USP42: variants seen among roughly 807,000 people sequenced by gnomAD.
USP42 encodes the protein ubiquitin specific peptidase 42.
USP42 carries 23 observed loss-of-function variants against 113.0 expected under a neutral mutation model. The ratio of observed to expected loss-of-function variants is 0.20; its 90% CI spans 0.15 to 0.29. The LOEUF (loss-of-function observed/expected upper bound fraction) is 0.29, where lower values mean the gene tolerates loss of function less well. USP42 is among the 10% of genes least tolerant of loss of function. The pLI, the probability that USP42 is intolerant of heterozygous loss-of-function variation, is 1.00. For missense variants in USP42, 2,174 were observed against 1,779.8 expected, an observed-to-expected ratio of 1.22 and a Z score of -3.99; for synonymous variants, 933 against 699.0, an observed-to-expected ratio of 1.33 and a Z score of -5.28.
intron 3 of USP42, among the ~76,000 whole-genome samples, chr7:6,117,807 A>G (rs1226897802): frequency 6.6e-6 from 1 of 150,840 alleles, no homozygotes; most frequent in Non-Finnish European, 1.5e-5. Context: ...ATAATGCTGA[A>G]CCTCTTTTCT....
chr7:6,158,883 G>A lies in USP42; in HGVS notation c.3944-567G>A, dbSNP rs1033405490. 2.6e-5 allele frequency among the ~76,000 whole-genome samples: 4 copies of A among 152,180 alleles called. No individual in the cohort carries two copies. Among genetic ancestry groups the A allele is most frequent in the African/African-American group, 9.6e-5 (4 of 41,520 alleles). ...TGGCCCCCGAGGCAGCTGGTCCAGCGGGAGGGAGGTTGAACGTGATCTTGT... is the reference window on the plus strand; with the variant it reads ...TGGCCCCCGAGGCAGCTGGTCCAGCAGGAGGGAGGTTGAACGTGATCTTGT... On this transcript the variant is annotated intron_variant, in intron 16 of 17. Coordinates refer to ENST00000306177, the MANE Select transcript of USP42 (RefSeq NM_032172.3). This position sits in a 1 kb window ranked among gnomAD's most constrained non-coding sequence, Gnocchi z 4.2.
intron 2 of USP42, among the ~76,000 whole-genome samples, chr7:6,113,451 TC>T (rs1779709682): frequency 6.6e-6 from 1 of 152,036 alleles, no homozygotes; most frequent in Non-Finnish European, 1.5e-5. Context: ...TCTCCCCTTT[TC>T]TGGGGCTCTC....
intron 14 of USP42, among the ~76,000 whole-genome samples, chr7:6,152,369 C>T (rs1392708863): frequency 6.6e-6 from 1 of 152,228 alleles, no homozygotes; most frequent in Non-Finnish European, 1.5e-5. Flanking sequence ...TTCCTGGAAA[C>T]GTCAGTGTCA....
At chr7:6,100,161 C>G (rs1326625832), upstream of USP42, among the ~76,000 whole-genome samples, 2 of 148,712 alleles carry the variant, frequency 1.3e-5, no homozygotes, top group African/African-American at 5.1e-5. Context: ...CCCAATTTCA[C>G]AGTTCTAATG....
At chr7:6,084,932 T>G in the USP42 span, among the ~76,000 whole-genome samples, 7 of 150,702 alleles carry the variant, frequency 4.6e-5, no homozygotes, top group African/African-American at 1.2e-4. Context: ...TTGGTCAAGC[T>G]GGTCTTGAAC....
the USP42 span, among the ~76,000 whole-genome samples, chr7:6,096,923 C>T: frequency 1.8e-5 from 2 of 113,548 alleles, no homozygotes; most frequent in Admixed American, 1.8e-4. Flanking sequence ...TTCTTTCTTT[C>T]TTTCTTTTCT....
intron 2 of USP42, among the ~76,000 whole-genome samples, chr7:6,114,072 A>G (rs1195847513): frequency 6.6e-6 from 1 of 152,138 alleles, no homozygotes; most frequent in African/African-American, 2.4e-5. Flanking sequence ...TAATCTGTTG[A>G]TAATCTTCAA....
intron 1 of USP42, among the ~76,000 whole-genome samples, chr7:6,107,871 A>T (rs946143184): frequency 1.5e-4 from 23 of 152,264 alleles, no homozygotes; most frequent in African/African-American, 5.5e-4. Flanking sequence ...TAAATTTTCA[A>T]TTCAGTTTTC....
chr7:6,103,124 T>C (rs1411552166), upstream of USP42, among the ~76,000 whole-genome samples: 4 of 150,862 alleles, frequency 2.7e-5, no homozygotes, highest in African/African-American at 9.9e-5. Flanking sequence ...GGAGGGGAGA[T>C]GCAGAGATGA....
chr7:6,123,330 C>G (rs1780339753), intron 3 of USP42, among the ~76,000 whole-genome samples: 1 of 152,018 alleles, frequency 6.6e-6, no homozygotes, highest in Non-Finnish European at 1.5e-5. Flanking sequence ...CTAGACCAGC[C>G]TGAGCTACAT....
At chr7:6,097,707 C>G in the USP42 span, among the ~76,000 whole-genome samples, 1 of 150,114 alleles carries the variant, frequency 6.7e-6, no homozygotes, top group Non-Finnish European at 1.5e-5. Context: ...TCTCCTGCCT[C>G]AGCCTCCCGA....
the USP42 span, among the ~76,000 whole-genome samples, chr7:6,092,047 C>CT: frequency 5.1e-5 from 4 of 77,766 alleles, no homozygotes; most frequent in South Asian, 4.1e-4. Flanking sequence ...TCTTCTTCTT[C>CT]TTCTTCTTTC....
Position 6,137,559 on chromosome 7 carries a change from T to C in USP42, c.554-1533T>C, listed in dbSNP as rs904094406. 2.1e-4 allele frequency among the ~76,000 whole-genome samples: 32 copies of C among 152,244 alleles called. 1 individual carries two copies. Among genetic ancestry groups the C allele is most frequent in the Non-Finnish European group, 5.9e-5 (4 of 68,048 alleles). On this transcript the variant is annotated intron_variant, in intron 4 of 17. Transcript: ENST00000306177. ...TTTTAGTAGAGACGGGGTTTCACCA[T>C]GTTGGCCAGGCTGGCCTTGAACTCC...
the USP42 span, among the ~76,000 whole-genome samples, chr7:6,099,362 C>T: frequency 6.7e-6 from 1 of 148,456 alleles, no homozygotes; most frequent in African/African-American, 2.5e-5. Flanking sequence ...CTACAGGCAC[C>T]CGCCACCATG....
intron 3 of USP42, among the ~76,000 whole-genome samples, chr7:6,132,713 C>T (rs985942616): frequency 5.3e-5 from 8 of 151,988 alleles, no homozygotes; most frequent in Admixed American, 4.6e-4. Flanking sequence ...GCTCTGTTGC[C>T]CAGGCTGGAG....
chr7:6,157,063 G>A lies in USP42; in HGVS notation c.3943+8G>A, dbSNP rs755679367. 16 of 1,571,716 alleles carry A rather than the reference G, an allele frequency of 1.0e-5. No homozygotes were observed. The East Asian group carries it at 2.7e-4, about 27-fold the overall frequency. ...TCTTTGAGTATGGCCAGGGTAAGAG[G>A]AGATACTTGGAATTAGGAAGATAGA... On this transcript the variant is annotated splice_region_variant and intron_variant, in intron 16 of 17. Transcript: ENST00000306177. The surrounding 1 kb of genome is among the most constrained non-coding windows in gnomAD (Gnocchi z 4.1).
intron 3 of USP42, among the ~76,000 whole-genome samples, chr7:6,123,922 C>G (rs1308645364): frequency 6.7e-6 from 1 of 149,926 alleles, no homozygotes; most frequent in Admixed American, 6.7e-5. Flanking sequence ...GTCACCTATG[C>G]TGGAGTGCAC....
At position 6,150,439 on chromosome 7, in the gene USP42, C is replaced by G. The variant is rs770193279; in HGVS notation, c.2134C>G (p.Pro712Ala). 4 of 1,613,758 alleles carry G rather than the reference C, an allele frequency of 2.5e-6. No individual in the cohort carries two copies. In the South Asian group the frequency reaches 4.4e-5, roughly 18 times the overall value. The change falls in exon 14 of 18, where the codon CCA (proline) becomes GCA (alanine). Residue 712 changes from proline (P) to alanine (A), a missense_variant. Physicochemically the swap from Pro to Ala is conservative, Grantham distance 27 (BLOSUM62 -1). Coordinates refer to ENST00000306177, the MANE Select transcript of USP42 (RefSeq NM_032172.3). ...KLMPAPLLSL[P>A]EDKILETFRL... is the part of the protein sequence containing the mutation. Reference sequence around the variant, plus strand: ...GATGCCTGCTCCTTTGCTGTCTCTCCCAGAAGACAAAATCTTAGAGACCTT... The same window carrying G: ...GATGCCTGCTCCTTTGCTGTCTCTCGCAGAAGACAAAATCTTAGAGACCTT...
the USP42 span, among the ~76,000 whole-genome samples, chr7:6,093,983 G>C: frequency 6.7e-6 from 1 of 148,908 alleles, no homozygotes; most frequent in Non-Finnish European, 1.5e-5. Flanking sequence ...TCCACCTCCC[G>C]GGTTGAAGTG....
Sources: gnomAD v4.1 joint callset for allele counts (sites outside exome capture counted in the v4.1 genomes callset) on GRCh38, gnomAD v4.1.1 for gene constraint, Gnocchi (gnomAD v3.1) non-coding constraint, MANE v1.5 for transcripts, NCBI Gene and HGNC (gene_info 2026-07-23, HGNC 2026-07-21) for gene names.